ATF7IP2: variants seen among roughly 807,000 people sequenced by gnomAD.
The protein encoded by ATF7IP2 is activating transcription factor 7-interacting protein 2.
Under a neutral mutation model 64.2 loss-of-function variants are expected in ATF7IP2, and 42 were observed. That is an observed-to-expected ratio of 0.65 (90% CI 0.51 to 0.85). The LOEUF (loss-of-function observed/expected upper bound fraction) is 0.85, where lower values mean the gene tolerates loss of function less well. ATF7IP2 is among the 40% of genes least tolerant of loss of function. ATF7IP2 has a pLI of 0.00. For missense variants in ATF7IP2, 933 were observed against 784.2 expected, an observed-to-expected ratio of 1.19 and a Z score of -2.27; for synonymous variants, 308 against 272.8, an observed-to-expected ratio of 1.13 and a Z score of -1.27.
rs763824376 is a variant in ATF7IP2, at chr16:10,481,890, C to T, written c.1690C>T (p.Pro564Ser). 1 of 1,612,546 alleles carries T rather than the reference C, an allele frequency of 6.2e-7. No individual in the cohort carries two copies. The highest frequency in any genetic ancestry group is 8.5e-7 in the Non-Finnish European group (1 of 1,179,546). ...PPLPEPPAPL[P>S]ELVDKTRDTL... ...TCTCCCAGAACCACCAGCACCACTA[C>T]CTGAATTAGTAGACAAAACCCGAGA... The change falls in exon 14 of 14, where the codon CCT becomes TCT. Residue 564 changes from proline (P) to serine (S), a missense_variant. By Grantham distance (74) the Pro-to-Ser change is moderately conservative. Coordinates refer to ENST00000562102, the MANE Select transcript of ATF7IP2 (RefSeq NM_001393719.1).
Position 10,480,926 on chromosome 16 carries a change from T to G in ATF7IP2, c.1597T>G (p.Ser533Ala). 6.2e-7 allele frequency: 1 copy of G among 1,613,176 alleles called. No homozygotes were observed. Among genetic ancestry groups the G allele is most frequent in the South Asian group, 1.1e-5 (1 of 91,056 alleles). Residue 533 changes from serine (S) to alanine (A), a missense_variant, in exon 13 of 14, where the codon TCA becomes GCA. Physicochemically the swap from Ser to Ala is moderately conservative, Grantham distance 99. Coordinates refer to ENST00000562102, the MANE Select transcript of ATF7IP2 (RefSeq NM_001393719.1). ...LESHSKAASNSKETTPLAQNA... is the reference protein window; with the variant it reads ...LESHSKAASNAKETTPLAQNA... ...GTCACATTCGAAAGCTGCTTCAAAC[T>G]CAAAGGAAACAACCCCATTGGCACA...
intron 3 of ATF7IP2, among the ~76,000 whole-genome samples, chr16:10,427,583 A>T (rs2048109223): frequency 6.6e-6 from 1 of 152,204 alleles, no homozygotes; most frequent in African/African-American, 2.4e-5. Flanking sequence ...CAGAACATCA[A>T]CAAGAACTGG....
chr16:10,469,192 G>C (rs2049695254), intron 9 of ATF7IP2, among the ~76,000 whole-genome samples: 1 of 152,036 alleles, frequency 6.6e-6, no homozygotes, highest in Non-Finnish European at 1.5e-5. Context: ...GAAATAATTT[G>C]GACTTAGCAG....
intron 4 of ATF7IP2, among the ~76,000 whole-genome samples, chr16:10,429,320 T>C (rs944232284): frequency 3.3e-5 from 5 of 152,172 alleles, no homozygotes; most frequent in Non-Finnish European, 7.3e-5. Context: ...TTGTGCTGTT[T>C]TTTGGATTTA....
At chr16:10,432,173 A>T (rs937665046) in intron 5 of ATF7IP2, among the ~76,000 whole-genome samples, 1 of 151,964 alleles carries the variant, frequency 6.6e-6, no homozygotes, top group African/African-American at 2.4e-5. Flanking sequence ...CCTGTAAATC[A>T]CATGCTAAGT....
intron 2 of ATF7IP2, among the ~76,000 whole-genome samples, chr16:10,419,229 C>A (rs955118970): frequency 6.6e-6 from 1 of 152,138 alleles, no homozygotes; most frequent in Admixed American, 6.5e-5. Context: ...GGCATTATTG[C>A]CAGCCAAGAT....
At chr16:10,475,648 G>A (rs1231800310) in intron 12 of ATF7IP2, among the ~76,000 whole-genome samples, 17 of 142,930 alleles carry the variant, frequency 1.2e-4, no homozygotes, top group East Asian at 6.2e-4. Flanking sequence ...AGCCGAGATC[G>A]CGCCACTGCA....
chr16:10,422,746 C>G (rs2048010936), intron 3 of ATF7IP2, among the ~76,000 whole-genome samples: 1 of 152,196 alleles, frequency 6.6e-6, no homozygotes, highest in Non-Finnish European at 1.5e-5. Context: ...CCCCAATAAG[C>G]TGCTTTGCCT....
Position 10,428,453 on chromosome 16 carries a change from T to G in ATF7IP2, c.-159-415T>G, listed in dbSNP as rs552856404. Among the ~76,000 whole-genome samples the G allele has an allele frequency of 5.3e-5, 8 of 152,344 alleles. No individual in the cohort carries two copies. The East Asian group carries it at 1.5e-3, about 29-fold the overall frequency. ...TTACAATAGTAAGATATTTTAAGTA[T>G]AGTCATTTAAGACCCCTGTCTCTCT... On this transcript the variant is annotated intron_variant, in intron 3 of 13. Coordinates refer to ENST00000562102, the MANE Select transcript of ATF7IP2 (RefSeq NM_001393719.1).
chr16:10,421,588 C>G (rs2141843238), intron 3 of ATF7IP2, among the ~76,000 whole-genome samples: 1 of 152,180 alleles, frequency 6.6e-6, no homozygotes, highest in East Asian at 1.9e-4. Context: ...CTAAGGTCCC[C>G]AAGTAGGAGT....
At chr16:10,445,827 G>A (rs1035342610) in intron 8 of ATF7IP2, 1 of 152,266 alleles carries the variant, frequency 6.6e-6, no homozygotes, top group Non-Finnish European at 1.5e-5. Context: ...TTAAATACAT[G>A]GGTGATTAAC....
intron 12 of ATF7IP2, among the ~76,000 whole-genome samples, chr16:10,477,754 T>C (rs867489510): frequency 1.3e-5 from 2 of 152,092 alleles, no homozygotes; most frequent in Non-Finnish European, 1.5e-5. Flanking sequence ...AAAACCCCAT[T>C]GTCTCAGCCC....
intron 2 of ATF7IP2, among the ~76,000 whole-genome samples, chr16:10,415,567 G>T (rs948794443): frequency 6.6e-6 from 1 of 152,144 alleles, no homozygotes; most frequent in African/African-American, 2.4e-5. Context: ...CTGGGCAAAA[G>T]AATTTTCATA....
intron 6 of ATF7IP2, among the ~76,000 whole-genome samples, chr16:10,437,167 C>T (rs1221095989): frequency 6.6e-6 from 1 of 152,046 alleles, no homozygotes; most frequent in Non-Finnish European, 1.5e-5. Context: ...GACTATGTTG[C>T]CTGCCACCAT....
At chr16:10,389,330 T>G (rs1195614248) in intron 1 of ATF7IP2, among the ~76,000 whole-genome samples, 1 of 152,206 alleles carries the variant, frequency 6.6e-6, no homozygotes, top group Non-Finnish European at 1.5e-5. Context: ...GTAAGAGACG[T>G]GTGAACTACA....
chr16:10,400,398 G>C (rs1342656112), intron 1 of ATF7IP2, among the ~76,000 whole-genome samples: 1 of 152,138 alleles, frequency 6.6e-6, no homozygotes, highest in Non-Finnish European at 1.5e-5. Context: ...GAGTTTTTTG[G>C]AAGAGTCTTC....
At chr16:10,442,169 G>A (rs2048649146) in intron 8 of ATF7IP2, among the ~76,000 whole-genome samples, 1 of 152,182 alleles carries the variant, frequency 6.6e-6, no homozygotes, top group East Asian at 1.9e-4. Context: ...CTACAACCAT[G>A]GTAGATGAAG....
chr16:10,444,470 A>T (rs1015532831), intron 8 of ATF7IP2, among the ~76,000 whole-genome samples: 4 of 152,192 alleles, frequency 2.6e-5, no homozygotes, highest in Non-Finnish European at 5.9e-5. Context: ...ATGCACTGGG[A>T]ACTCAAGAGG....
rs1489717494 is a variant in ATF7IP2, at chr16:10,431,474, A to C, written c.835+19A>C. 1 of 1,471,426 alleles carries C rather than the reference A, an allele frequency of 6.8e-7. No homozygotes were observed. The highest frequency in any genetic ancestry group is 9.2e-7 in the Non-Finnish European group (1 of 1,086,186). The allele number at this position is 1,471,426 out of a possible 1,614,324, so 91.1% of individuals were successfully genotyped here. On this transcript the variant is annotated intron_variant, in intron 5 of 13. Coordinates refer to ENST00000562102, the MANE Select transcript of ATF7IP2 (RefSeq NM_001393719.1). ...AACAACAGTAAGTATATACTTATGCACCTTTTAGAAAAATTAAAATAGTCA... is the reference window on the plus strand; with the variant it reads ...AACAACAGTAAGTATATACTTATGCCCCTTTTAGAAAAATTAAAATAGTCA...
Sources: allele counts gnomAD v4.1 joint callset (sites outside exome capture counted in the v4.1 genomes callset), GRCh38; gene constraint gnomAD v4.1.1; transcripts MANE v1.5; gene names NCBI Gene and HGNC (gene_info 2026-07-23, HGNC 2026-07-21).